MEGF11: variants seen among roughly 807,000 people sequenced by gnomAD.
MEGF11 encodes the protein multiple epidermal growth factor-like domains protein 11.
In MEGF11, 126 loss-of-function variants were observed where a neutral mutation model predicts 146.6. That is an observed-to-expected ratio of 0.86 (90% CI 0.74 to 1.00). The LOEUF (loss-of-function observed/expected upper bound fraction) is 1.00, where lower values mean the gene tolerates loss of function less well. Ranked by LOEUF, MEGF11 falls within the 50% of genes least tolerant of loss-of-function variation. MEGF11 has a pLI of 0.00. For synonymous variants in MEGF11, 532 were observed against 583.4 expected (o/e 0.91, Z 1.27); for missense variants, 1,509 against 1,521.2 (o/e 0.99, Z 0.13).
chr15:65,913,990 G>C lies in MEGF11; in HGVS notation c.2474-17C>G, dbSNP rs751641353. 6.2e-7 allele frequency: 1 copy of C among 1,607,174 alleles called. No individual in the cohort carries two copies. Among genetic ancestry groups the C allele is most frequent in the Non-Finnish European group, 8.5e-7 (1 of 1,174,658 alleles). ...TGAGGGCAGCTGCGGGCAGAGGGAG[G>C]GCCTGAGCCTGGGGCTGGCCTTCTT... On this transcript the variant is annotated splice_polypyrimidine_tract_variant and intron_variant, in intron 19 of 25. Transcript: ENST00000395614.
intron 1 of MEGF11, among the ~76,000 whole-genome samples, chr15:66,145,011 A>G (rs1308705617): frequency 6.6e-6 from 1 of 152,238 alleles, no homozygotes; most frequent in Non-Finnish European, 1.5e-5. Flanking sequence ...ATGGCAGAGC[A>G]GGCGCCGATC....
intron 15 of MEGF11, among the ~76,000 whole-genome samples, chr15:65,919,229 C>A (rs1391743601): frequency 6.6e-6 from 1 of 152,196 alleles, no homozygotes; most frequent in East Asian, 1.9e-4. Flanking sequence ...CAATGGTGGA[C>A]CAGACTCTCC....
At chr15:65,976,060 T>TTTTTA (rs2081435305) in intron 7 of MEGF11, among the ~76,000 whole-genome samples, 1 of 82,138 alleles carries the variant, frequency 1.2e-5, no homozygotes, top group African/African-American at 4.0e-5. Context: ...TTTTTTTTTT[T>TTTTTA]GAGATGGAGT....
chr15:66,237,213 A>G (rs1215741700), intron 1 of MEGF11, among the ~76,000 whole-genome samples: 1 of 152,150 alleles, frequency 6.6e-6, no homozygotes, highest in East Asian at 1.9e-4. Flanking sequence ...CTGGATGAAG[A>G]AACTCCCAGA....
intron 1 of MEGF11, among the ~76,000 whole-genome samples, chr15:66,197,198 C>G (rs2091029523): frequency 6.6e-6 from 1 of 152,160 alleles, no homozygotes. Context: ...GGTCCCAGAC[C>G]TTTGTCTGTC....
At chr15:66,212,353 C>T (rs2091482162) in intron 1 of MEGF11, among the ~76,000 whole-genome samples, 3 of 152,190 alleles carry the variant, frequency 2.0e-5, no homozygotes, top group Admixed American at 1.3e-4. Context: ...CATCTCTCCG[C>T]CCTCTGGATT....
chr15:66,046,379 C>T (rs2084203862), intron 5 of MEGF11, among the ~76,000 whole-genome samples: 1 of 152,188 alleles, frequency 6.6e-6, no homozygotes, highest in Non-Finnish European at 1.5e-5. Context: ...GAAGCACACC[C>T]CAGACTCCAG....
chr15:65,924,765 A>G (rs2079311059), intron 13 of MEGF11, among the ~76,000 whole-genome samples: 1 of 151,528 alleles, frequency 6.6e-6, no homozygotes, highest in Admixed American at 6.6e-5. Flanking sequence ...AGCTGGGATT[A>G]CAGGTATAAG....
rs201412340 is a variant in MEGF11 at position 66,123,899 on chromosome 15, C to T, written c.200G>A (p.Arg67Gln). 4.4e-5 allele frequency: 71 copies of T among 1,612,186 alleles called. No individual in the cohort carries two copies. Among genetic ancestry groups the T allele is most frequent in the East Asian group, 3.1e-4 (14 of 44,888 alleles). Residue 67 changes from arginine (R) to glutamine (Q), a missense_variant and splice_region_variant, in exon 3 of 26, where the codon CGG becomes CAG. Physicochemically the swap from Arg to Gln is conservative, Grantham distance 43 (BLOSUM62 1). Transcript: ENST00000395614. The stretch of plus-strand genomic sequence containing the variant: ...CCCATCATCTGAGAGAGGTACTCAC[C>T]GGTGCCTGGTGCACTTGAACCAGTT... ...ILNWFKCTRH[R>Q]ISYKTAYRRG...
chr15:65,941,637 C>T (rs1425187450), intron 10 of MEGF11, among the ~76,000 whole-genome samples: 1 of 152,232 alleles, frequency 6.6e-6, no homozygotes, highest in Non-Finnish European at 1.5e-5. Flanking sequence ...GCCCCTTCTC[C>T]TTTTCTAACC....
At chr15:66,080,527 T>C (rs1270095306) in intron 5 of MEGF11, among the ~76,000 whole-genome samples, 1 of 152,178 alleles carries the variant, frequency 6.6e-6, no homozygotes, top group Non-Finnish European at 1.5e-5. Flanking sequence ...TCTTGGAAGA[T>C]GGAGGCTATG....
At chr15:66,089,193 C>T (rs555844280) in intron 5 of MEGF11, among the ~76,000 whole-genome samples, 27 of 152,304 alleles carry the variant, frequency 1.8e-4, no homozygotes, top group African/African-American at 6.0e-4. Context: ...GATAAGAACA[C>T]GCTGGACTTG....
rs575652862 is a variant in MEGF11 at position 65,916,899 on chromosome 15, C to T, written c.2144G>A (p.Gly715Glu). The change falls in exon 17 of 26, where the codon GGG becomes GAG. Residue 715 changes from glycine to glutamate, a missense_variant. Gly to Glu is a moderately conservative substitution (Grantham distance 98). Coordinates refer to ENST00000395614, the MANE Select transcript of MEGF11 (RefSeq NM_001385028.1). ...ACFHACSCHN[G>E]ASCSAEDGAC... is the part of the protein sequence containing the mutation. ...CCCGTCCTCGGCGCTGCAGCTCGCC[C>T]CGTTGTGGCAGCTGCATGCGTGGAA... 1.6e-5 allele frequency: 25 copies of T among 1,581,554 alleles called. No individual in the cohort carries two copies. In the South Asian group the frequency reaches 2.9e-4, roughly 18 times the overall value.
chr15:66,134,150 G>A (rs993075000), intron 1 of MEGF11, among the ~76,000 whole-genome samples: 1 of 152,096 alleles, frequency 6.6e-6, no homozygotes, highest in African/African-American at 2.4e-5. Flanking sequence ...CATCAGTCAG[G>A]CCCAGAGAAA....
At chr15:65,981,170 G>T (rs746806191) in intron 6 of MEGF11, among the ~76,000 whole-genome samples, 2 of 152,300 alleles carry the variant, frequency 1.3e-5, no homozygotes, top group South Asian at 2.1e-4. Context: ...GCTGAGGAAG[G>T]CTTCCCAAGG....
chr15:66,237,605 A>G (rs1435795912), intron 1 of MEGF11, among the ~76,000 whole-genome samples: 2 of 152,130 alleles, frequency 1.3e-5, no homozygotes, highest in Non-Finnish European at 2.9e-5. Flanking sequence ...TTCTCCATCT[A>G]TAGAGTGGAA....
intron 10 of MEGF11, among the ~76,000 whole-genome samples, chr15:65,940,991 T>C (rs1424996210): frequency 6.6e-6 from 1 of 152,242 alleles, no homozygotes. Flanking sequence ...CAGATGTCAG[T>C]AGAATGTCTT....
intron 5 of MEGF11, among the ~76,000 whole-genome samples, chr15:65,992,167 C>A (rs1179765941): frequency 6.6e-6 from 1 of 152,218 alleles, no homozygotes; most frequent in Non-Finnish European, 1.5e-5. Flanking sequence ...TTACCTTCCT[C>A]ATCTCTATTG....
chr15:65,906,035 T>G (rs752706893), intron 24 of MEGF11, 50 bp downstream of exon 24: 5 of 1,486,030 alleles, frequency 3.4e-6, no homozygotes, highest in Non-Finnish European at 4.7e-6. Flanking sequence ...ATCTGCACTC[T>G]TTATCTTGCT....
Sources: gnomAD v4.1 joint callset for allele counts (sites outside exome capture counted in the v4.1 genomes callset) on GRCh38, gnomAD v4.1.1 for gene constraint, MANE v1.5 for transcripts, NCBI Gene and HGNC (gene_info 2026-07-23, HGNC 2026-07-21) for gene names.